The following KCNQ1 variants were observed in gnomAD, a reference collection of about 807,000 sequenced individuals.
KCNQ1 encodes potassium voltage-gated channel subfamily KQT member 1.
KCNQ1 carries 49 observed loss-of-function variants against 72.4 expected under a neutral mutation model. The ratio of observed to expected loss-of-function variants is 0.68; its 90% CI spans 0.54 to 0.86. KCNQ1 has a LOEUF of 0.86. KCNQ1 is among the 40% of genes least tolerant of loss of function. The pLI, the probability that KCNQ1 is intolerant of heterozygous loss-of-function variation, is 0.00. For missense variants in KCNQ1, 790 were observed against 945.1 expected (o/e 0.84, Z 2.15); for synonymous variants, 450 against 412.6 (o/e 1.09, Z -1.10).
intron 1 of KCNQ1, among the ~76,000 whole-genome samples, chr11:2,456,090 A>G (rs1846187498): frequency 6.6e-6 from 1 of 152,202 alleles, no homozygotes; most frequent in African/African-American, 2.4e-5. Context: ...CTGTAATCCT[A>G]GCACTTTGGG....
At chr11:2,574,375 C>T (rs1293828177) in intron 6 of KCNQ1, among the ~76,000 whole-genome samples, 2 of 145,458 alleles carry the variant, frequency 1.4e-5, no homozygotes, top group Non-Finnish European at 3.0e-5. Flanking sequence ...TAGATGGAAT[C>T]GTGGTAGCAA....
chr11:2,463,959 C>T lies in KCNQ1; in HGVS notation c.386+18475C>T, dbSNP rs760484330. ...GCTCCGTGCCCAGCAGGCTCACTGT[C>T]GGCAGTTGGGTCTGGTTTGATAACC... On this transcript the variant is annotated intron_variant, in intron 1 of 15. Coordinates refer to ENST00000155840, the MANE Select transcript of KCNQ1 (RefSeq NM_000218.3). The surrounding 1 kb of genome is among the most constrained non-coding windows in gnomAD (Gnocchi z 7.0). Among the ~76,000 whole-genome samples the T allele has an allele frequency of 1.3e-5, 2 of 152,206 alleles. No individual in the cohort carries two copies. The highest frequency in any genetic ancestry group is 3.8e-4 in the East Asian group (2 of 5,198).
rs1847930893 is a variant in KCNQ1, at chr11:2,830,690, G to GT, written c.1795-17076dup. Among the ~76,000 whole-genome samples the GT allele has an allele frequency of 6.6e-6, 1 of 152,080 alleles. No individual in the cohort carries two copies. Among genetic ancestry groups the GT allele is most frequent in the South Asian group, 2.1e-4 (1 of 4,828 alleles). On this transcript the variant is annotated intron_variant, in intron 15 of 15. Coordinates refer to ENST00000155840, the MANE Select transcript of KCNQ1 (RefSeq NM_000218.3). This position sits in a 1 kb window ranked among gnomAD's most constrained non-coding sequence, Gnocchi z 7.7. ...CCCTTCCACTCACCTTCCGAGCATT[G>GT]TGGGCCTTCCCAGGAACCCCCACAT...
Position 2,669,896 on chromosome 11 carries a change from C to T in KCNQ1, c.1514+7815C>T. 1 of 398,558 alleles carries T rather than the reference C, an allele frequency of 2.5e-6. No homozygotes were observed. Among genetic ancestry groups the T allele is most frequent in the Non-Finnish European group, 4.4e-6 (1 of 226,064 alleles). The allele number at this position is 398,558 out of a possible 1,614,324, so 24.7% of individuals were successfully genotyped here. Reference sequence around the variant, plus strand: ...CAGCTGCTGTCCTTAATAAGATGTGCCTAGAGGCCTGAGAGTCCCAAGCTC... The same window carrying T: ...CAGCTGCTGTCCTTAATAAGATGTGTCTAGAGGCCTGAGAGTCCCAAGCTC... On this transcript the variant is annotated intron_variant, in intron 11 of 15. Transcript: ENST00000155840. This position sits in a 1 kb window ranked among gnomAD's most constrained non-coding sequence, Gnocchi z 5.6.
chr11:2,771,751 G>A (rs1436672316), intron 12 of KCNQ1, among the ~76,000 whole-genome samples: 1 of 152,168 alleles, frequency 6.6e-6, no homozygotes, highest in Non-Finnish European at 1.5e-5. Context: ...GAGAGAGAGA[G>A]AGATCATCTG....
At chr11:2,788,086 G>A (rs1846946628) in intron 15 of KCNQ1, among the ~76,000 whole-genome samples, 1 of 152,144 alleles carries the variant, frequency 6.6e-6, no homozygotes, top group African/African-American at 2.4e-5. Context: ...TGGTGAATGT[G>A]GATGGCAGGG....
chr11:2,706,111 G>A (rs1052003532), intron 11 of KCNQ1, among the ~76,000 whole-genome samples: 2 of 152,362 alleles, frequency 1.3e-5, no homozygotes, highest in Non-Finnish European at 2.9e-5. Context: ...TTTAGTATGT[G>A]TCTACAAGGC....
intron 11 of KCNQ1, among the ~76,000 whole-genome samples, chr11:2,736,827 G>T (rs1386565043): frequency 1.3e-5 from 2 of 152,210 alleles, no homozygotes; most frequent in African/African-American, 4.8e-5. Context: ...GGGCCTAAGG[G>T]TGAAAACTCG....
intron 1 of KCNQ1, chr11:2,461,424 CG>C: frequency 1.6e-6 from 2 of 1,279,746 alleles, no homozygotes; most frequent in Non-Finnish European, 2.0e-6. Context: ...CCGGCCGGGG[CG>C]GGGGTGGCCC....
chr11:2,459,270 G>A (rs552875177), intron 1 of KCNQ1, among the ~76,000 whole-genome samples: 43 of 152,338 alleles, frequency 2.8e-4, no homozygotes, highest in Admixed American at 5.9e-4. Context: ...GATGTGGGGC[G>A]TGGTGTCCAG....
chr11:2,657,676 C>T lies in KCNQ1; in HGVS notation c.1394-4285C>T, dbSNP rs1849874202. The T allele has an allele frequency of 7.5e-6, 3 of 398,592 alleles. No individual in the cohort carries two copies. Among genetic ancestry groups the T allele is most frequent in the Non-Finnish European group, 1.3e-5 (3 of 226,056 alleles). 24.7% of individuals were successfully genotyped at this position (398,592 alleles called of 1,614,324 possible). A position where few individuals can be genotyped will look rare whatever the true frequency, so the allele number is the denominator to read the frequency against. On this transcript the variant is annotated intron_variant, in intron 10 of 15. Coordinates refer to ENST00000155840, the MANE Select transcript of KCNQ1 (RefSeq NM_000218.3). The surrounding 1 kb of genome is among the most constrained non-coding windows in gnomAD (Gnocchi z 4.8). ...ATTTCCCCAGTTTAACTACTAATGT[C>T]CTTTTTCTGTTCCAAGATCCCATCT...
chr11:2,488,499 G>A lies in KCNQ1; in HGVS notation c.387-39429G>A, dbSNP rs997507815. Reference sequence around the variant, plus strand: ...TCAGGTCCAGGCTTTTCTTTGTTGAGAGTTTTTTGATTACTGATTCAATCT... The same window carrying A: ...TCAGGTCCAGGCTTTTCTTTGTTGAAAGTTTTTTGATTACTGATTCAATCT... On this transcript the variant is annotated intron_variant, in intron 1 of 15. Transcript: ENST00000155840. This position sits in a 1 kb window ranked among gnomAD's most constrained non-coding sequence, Gnocchi z 5.1. 2.6e-5 allele frequency among the ~76,000 whole-genome samples: 4 copies of A among 152,178 alleles called. No homozygotes were observed. Among genetic ancestry groups the A allele is most frequent in the South Asian group, 4.1e-4 (2 of 4,836 alleles).
chr11:2,631,573 C>A (rs1364655870), intron 10 of KCNQ1: 7 of 398,176 alleles, frequency 1.8e-5, no homozygotes, highest in Non-Finnish European at 2.7e-5. Context: ...TTAATGTATC[C>A]CAATTTCTTG....
chr11:2,580,441 A>G (rs903540355), intron 6 of KCNQ1, among the ~76,000 whole-genome samples: 4 of 152,200 alleles, frequency 2.6e-5, no homozygotes, highest in African/African-American at 7.2e-5. Flanking sequence ...AAAAATTTCT[A>G]TATTTTCCAA....
chr11:2,845,916 G>A (rs1046725333), intron 15 of KCNQ1, among the ~76,000 whole-genome samples: 17 of 152,174 alleles, frequency 1.1e-4, no homozygotes, highest in Non-Finnish European at 1.8e-4. Flanking sequence ...CTCAGCCTCC[G>A]TGGTAGGTGC....
intron 11 of KCNQ1, among the ~76,000 whole-genome samples, chr11:2,738,318 A>AT (rs1392137065): frequency 6.6e-6 from 1 of 152,134 alleles, no homozygotes; most frequent in Non-Finnish European, 1.5e-5. Context: ...ACGTGTTATC[A>AT]TGAAGCCGGG....
chr11:2,791,898 C>A (rs553155704), intron 15 of KCNQ1, among the ~76,000 whole-genome samples: 2 of 152,362 alleles, frequency 1.3e-5, no homozygotes, highest in South Asian at 4.1e-4. Flanking sequence ...TGACGCGGCG[C>A]ACGGCCGTCC....
chr11:2,744,007 C>T (rs1472944720), intron 11 of KCNQ1, among the ~76,000 whole-genome samples: 1 of 152,218 alleles, frequency 6.6e-6, no homozygotes, highest in East Asian at 1.9e-4. Flanking sequence ...GCAGGTCTCT[C>T]GTGGGCTCTC....
chr11:2,474,712 G>A (rs142052732), intron 1 of KCNQ1, among the ~76,000 whole-genome samples: 1 of 38,788 alleles, frequency 2.6e-5, no homozygotes, highest in African/African-American at 4.7e-5. Context: ...TCCCAGAGAG[G>A]CCCAGAGCTG....
Sources: allele counts gnomAD v4.1 joint callset (sites outside exome capture counted in the v4.1 genomes callset), GRCh38; gene constraint gnomAD v4.1.1; non-coding constraint Gnocchi (gnomAD v3.1); transcripts MANE v1.5; gene names NCBI Gene and HGNC (gene_info 2026-07-23, HGNC 2026-07-21).